The following C4orf50 variants were observed in gnomAD, a reference collection of about 807,000 sequenced individuals.
The protein encoded by C4orf50 is chromosome 4 open reading frame 50, also known as uncharacterized protein C4orf50.
A neutral mutation model predicts 77.2 loss-of-function variants in C4orf50; 80 were observed. That is an observed-to-expected ratio of 1.04 (90% CI 0.87 to 1.25). The LOEUF is 1.25. C4orf50 is among the 50% of genes most tolerant of loss of function. C4orf50 has a pLI of 0.00. For missense variants in C4orf50, 1,257 were observed against 1,152.9 expected (o/e 1.09, Z -1.31); for synonymous variants, 532 against 465.3 (o/e 1.14, Z -1.84).
intron 7 of C4orf50, among the ~76,000 whole-genome samples, chr4:5,922,347 C>T (rs1348063863): frequency 2.0e-5 from 3 of 152,210 alleles, no homozygotes; most frequent in African/African-American, 7.2e-5. Flanking sequence ...GTGTTTCCTA[C>T]ACAATGAAAA....
chr4:5,981,435 G>A (rs1342486360), intron 28 of C4orf50, among the ~76,000 whole-genome samples: 6 of 134,380 alleles, frequency 4.5e-5, no homozygotes, highest in East Asian at 2.3e-4. Context: ...ATGGAGTTTC[G>A]CTTTTGTTGT....
Position 6,017,931 on chromosome 4 carries a change from G to A in C4orf50, c.287+214C>T, listed in dbSNP as rs1194626095. Among the ~76,000 whole-genome samples the A allele has an allele frequency of 6.6e-6, 1 of 152,148 alleles. No individual in the cohort carries two copies. The highest frequency in any genetic ancestry group is 2.4e-5 in the African/African-American group (1 of 41,432). On this transcript the variant is annotated intron_variant, in intron 23 of 33. Transcript: ENST00000531445. This position sits in a 1 kb window ranked among gnomAD's most constrained non-coding sequence, Gnocchi z 4.7. ...TGGCTGCACCTAAATGGAAGCCTTT[G>A]AGCAGAGGAGCCCGGGCAGCCTCAT...
chr4:5,914,295 C>G (rs1464197032), intron 7 of C4orf50, among the ~76,000 whole-genome samples: 1 of 146,906 alleles, frequency 6.8e-6, no homozygotes, highest in Non-Finnish European at 1.5e-5. Context: ...ACCTCTGCCT[C>G]CCGGGTTCAT....
intron 29 of C4orf50, among the ~76,000 whole-genome samples, chr4:5,977,931 ACTT>A (rs1720376062): frequency 6.6e-6 from 1 of 152,338 alleles, no homozygotes; most frequent in African/African-American, 2.4e-5. Flanking sequence ...CTAATAAAGG[ACTT>A]CTATCTAGAA....
chr4:5,968,458 G>A (rs868771811), intron 31 of C4orf50, among the ~76,000 whole-genome samples: 3 of 152,122 alleles, frequency 2.0e-5, no homozygotes, highest in Non-Finnish European at 4.4e-5. Context: ...GGGAGGCTTC[G>A]GTACCAGGCA....
chr4:5,960,937 C>A (rs987843807), intron 33 of C4orf50, among the ~76,000 whole-genome samples: 1 of 152,130 alleles, frequency 6.6e-6, no homozygotes, highest in Non-Finnish European at 1.5e-5. Flanking sequence ...CACCTGAGGT[C>A]AGGAGTTCGA....
At chr4:5,909,121 A>T (rs943246209) in intron 7 of C4orf50, among the ~76,000 whole-genome samples, 2 of 152,166 alleles carry the variant, frequency 1.3e-5, no homozygotes, top group African/African-American at 4.8e-5. Context: ...TGCTTTTAGG[A>T]TGCAGCCTAA....
Position 5,916,642 on chromosome 4 carries a change from G to T in C4orf50, c.*2475-18454C>A, listed in dbSNP as rs567005254. ...GACAGGGGTGCAGGTGGTTTATTTGGGGGGAGATCCCAGAAGTAGGAGTGA... is the reference window on the plus strand; with the variant it reads ...GACAGGGGTGCAGGTGGTTTATTTGTGGGGAGATCCCAGAAGTAGGAGTGA... On this transcript the variant is annotated intron_variant, in intron 7 of 7. Coordinates refer to the C4orf50 transcript ENST00000324058. This position sits in a 1 kb window ranked among gnomAD's most constrained non-coding sequence, Gnocchi z 4.4. Among the ~76,000 whole-genome samples the T allele has an allele frequency of 6.6e-6, 1 of 152,182 alleles. No individual in the cohort carries two copies. Among genetic ancestry groups the T allele is most frequent in the Non-Finnish European group, 1.5e-5 (1 of 68,026 alleles).
rs565235917 is a variant in C4orf50, at chr4:5,978,282, G to T, written c.3864+1892C>A. On this transcript the variant is annotated intron_variant, in intron 29 of 33. Coordinates refer to ENST00000531445, the Ensembl canonical transcript of C4orf50. ...AAGCAACTGCGATAGAGATGTTCAG[G>T]AATTACATTACAAAAATTTCATCAT... Among the ~76,000 whole-genome samples the T allele has an allele frequency of 8.6e-3, 1,253 of 145,228 alleles. 22 individuals carry two copies. The highest frequency in any genetic ancestry group is 0.03 in the African/African-American group (1,178 of 38,900).
chr4:5,961,307 T>A (rs28687026), intron 33 of C4orf50, among the ~76,000 whole-genome samples: 2,039 of 152,234 alleles, frequency 0.013, 59 homozygotes, highest in African/African-American at 0.046. Flanking sequence ...AGAGGGAGAC[T>A]CCATCTCAAA....
rs1722070094 is a variant in C4orf50, at chr4:6,004,206, ATGATGG to A, written c.963+3784_963+3789del. On this transcript the variant is annotated intron_variant, in intron 25 of 33. Transcript: ENST00000531445. ...GGTGATGGTGATGATGGTGATGGTGATGATGGTGATGGTGATGATGTGATGGTGATG... is the reference window on the plus strand; with the variant it reads ...GGTGATGGTGATGATGGTGATGGTGATGATGGTGATGATGTGATGGTGATG... Among the ~76,000 whole-genome samples, 12 of 88,266 alleles carry A rather than the reference ATGATGG, an allele frequency of 1.4e-4. 1 individual carries two copies. The highest frequency in any genetic ancestry group is 7.4e-3 in the Middle Eastern group (1 of 136). The allele number at this position is 88,266 out of a possible 152,430, so 57.9% of individuals were successfully genotyped here. A position where few individuals can be genotyped will look rare whatever the true frequency, so the allele number is the denominator to read the frequency against.
downstream of C4orf50, among the ~76,000 whole-genome samples, chr4:5,952,815 C>G (rs1435957927): frequency 6.6e-6 from 1 of 152,034 alleles, no homozygotes; most frequent in East Asian, 1.9e-4. This position sits in a 1 kb window ranked among gnomAD's most constrained non-coding sequence, Gnocchi z 4.4. Context: ...ACGCACAGTT[C>G]CCGACACCGA....
At chr4:5,945,074 G>A (rs75383393) in intron 7 of C4orf50, among the ~76,000 whole-genome samples, 3,917 of 152,276 alleles carry the variant, frequency 0.026, 127 homozygotes, top group African/African-American at 0.075. Flanking sequence ...TTCTCCACAG[G>A]CCAGTGGCTC....
At chr4:5,907,073 C>T (rs759562363) in intron 7 of C4orf50, among the ~76,000 whole-genome samples, 2 of 152,164 alleles carry the variant, frequency 1.3e-5, no homozygotes, top group Non-Finnish European at 2.9e-5. Context: ...ATGTGTTAAG[C>T]TCATAAGCAC....
At position 6,017,990 on chromosome 4, in the gene C4orf50, G is replaced by A. The variant is rs1310740712; in HGVS notation, c.287+155C>T. On this transcript the variant is annotated intron_variant, in intron 23 of 33. Coordinates refer to ENST00000531445, the Ensembl canonical transcript of C4orf50. The surrounding 1 kb of genome is among the most constrained non-coding windows in gnomAD (Gnocchi z 4.7). Reference sequence around the variant, plus strand: ...ACAGAGCAGAAGAAGGAGGGCGGGAGGAGCAGAAGGCAAGTGACTGCGTGG... The same window carrying A: ...ACAGAGCAGAAGAAGGAGGGCGGGAAGAGCAGAAGGCAAGTGACTGCGTGG... Among the ~76,000 whole-genome samples, 1 of 152,198 alleles carries A rather than the reference G, an allele frequency of 6.6e-6. No homozygotes were observed. Among genetic ancestry groups the A allele is most frequent in the African/African-American group, 2.4e-5 (1 of 41,450 alleles).
intron 7 of C4orf50, among the ~76,000 whole-genome samples, chr4:5,926,219 ATATG>A (rs1176748186): frequency 2.0e-5 from 3 of 152,244 alleles, no homozygotes; most frequent in African/African-American, 7.2e-5. Context: ...GATAACCTAA[ATATG>A]GCCCATCTAT....
At chr4:5,987,412 C>CAAAAAAAAAAA (rs58512584) in intron 28 of C4orf50, among the ~76,000 whole-genome samples, 36 of 33,642 alleles carry the variant, frequency 1.1e-3, no homozygotes, top group African/African-American at 2.0e-3. Context: ...CTCTGTCTCA[C>CAAAAAAAAAAA]AAAAAAAAAA....
Position 5,992,921 on chromosome 4 carries a change from G to T in C4orf50, c.1103C>A (p.Pro368Gln). The T allele has an allele frequency of 2.5e-6, 1 of 399,070 alleles. No individual in the cohort carries two copies. The highest frequency in any genetic ancestry group is 4.4e-6 in the Non-Finnish European group (1 of 226,106). The allele number at this position is 399,070 out of a possible 1,614,324, so 24.7% of individuals were successfully genotyped here. Reference sequence around the variant, plus strand: ...GCGGCTCCAGGTGCAGGGCCCCTCTGGGGACTGGCCTGGAAAGCAACAAGA... The same window carrying T: ...GCGGCTCCAGGTGCAGGGCCCCTCTTGGGACTGGCCTGGAAAGCAACAAGA... Residue 368 changes from proline (P) to glutamine (Q), a missense_variant, in exon 27 of 34, where the codon CCA (proline) becomes CAA (glutamine). Coordinates refer to ENST00000531445, the Ensembl canonical transcript of C4orf50. This position sits in a 1 kb window ranked among gnomAD's most constrained non-coding sequence, Gnocchi z 5.0.
intron 28 of C4orf50, among the ~76,000 whole-genome samples, chr4:5,987,416 A>C (rs1720931431): frequency 1.5e-5 from 2 of 134,470 alleles, no homozygotes; most frequent in African/African-American, 6.8e-5. Flanking sequence ...GTCTCACAAA[A>C]AAAAAAAAAA....
Sources: allele counts gnomAD v4.1 joint callset (sites outside exome capture counted in the v4.1 genomes callset), GRCh38; gene constraint gnomAD v4.1.1; non-coding constraint Gnocchi (gnomAD v3.1); transcripts MANE v1.5; gene names NCBI Gene and HGNC (gene_info 2026-07-23, HGNC 2026-07-21).